PDE1A: variants seen among roughly 807,000 people sequenced by gnomAD.
PDE1A encodes the protein dual specificity calcium/calmodulin-dependent 3',5'-cyclic nucleotide phosphodiesterase 1A.
A neutral mutation model predicts 61.7 loss-of-function variants in PDE1A; 35 were observed. That is an observed-to-expected ratio of 0.57 (90% CI 0.43 to 0.75). The LOEUF is 0.75. Ranked by LOEUF, PDE1A falls within the 30% of genes least tolerant of loss-of-function variation. The pLI is 0.00. For missense variants in PDE1A, 597 were observed against 630.6 expected, an observed-to-expected ratio of 0.95 and a Z score of 0.57; for synonymous variants, 232 against 213.2, an observed-to-expected ratio of 1.09 and a Z score of -0.77.
intron 1 of PDE1A, among the ~76,000 whole-genome samples, chr2:182,285,313 A>T (rs978390802): frequency 6.6e-6 from 1 of 151,998 alleles, no homozygotes; most frequent in Non-Finnish European, 1.5e-5. Flanking sequence ...TCAAGCAATA[A>T]AGTTGGTTTT....
At chr2:182,378,608 T>G (rs1574493383) in intron 1 of PDE1A, among the ~76,000 whole-genome samples, 1 of 152,206 alleles carries the variant, frequency 6.6e-6, no homozygotes, top group African/African-American at 2.4e-5. Flanking sequence ...AAATAATTAT[T>G]GAAGGAACTC....
intron 1 of PDE1A, among the ~76,000 whole-genome samples, chr2:182,340,181 C>T (rs1698096736): frequency 6.6e-6 from 1 of 152,122 alleles, no homozygotes; most frequent in Non-Finnish European, 1.5e-5. Flanking sequence ...CAAATGGCTG[C>T]TTTTAAGGTC....
intron 1 of PDE1A, among the ~76,000 whole-genome samples, chr2:182,285,745 G>A (rs554369011): frequency 6.6e-6 from 1 of 152,152 alleles, no homozygotes; most frequent in East Asian, 1.9e-4. Flanking sequence ...AGTAGTAGGT[G>A]GCTGAGGACA....
intron 10 of PDE1A, among the ~76,000 whole-genome samples, chr2:182,199,537 A>C (rs1686429152): frequency 6.6e-6 from 1 of 152,016 alleles, no homozygotes; most frequent in Admixed American, 6.6e-5. Flanking sequence ...GATATTTAAA[A>C]ATTTCTTCTT....
chr2:182,563,093 G>A, the PDE1A span, among the ~76,000 whole-genome samples: 2 of 152,180 alleles, frequency 1.3e-5, no homozygotes, highest in South Asian at 2.1e-4. Flanking sequence ...CTTGCCTTCT[G>A]CTAACTTTTG....
chr2:182,330,281 T>C (rs1399583276), intron 1 of PDE1A, among the ~76,000 whole-genome samples: 2 of 151,526 alleles, frequency 1.3e-5, no homozygotes, highest in Non-Finnish European at 2.9e-5. Flanking sequence ...GAGGTGGAGG[T>C]TGCAGTGAGC....
chr2:182,289,075 G>A (rs780826463), intron 1 of PDE1A, among the ~76,000 whole-genome samples: 14 of 148,768 alleles, frequency 9.4e-5, no homozygotes, highest in Non-Finnish European at 2.0e-4. Context: ...ATTCTTTAGA[G>A]TTCCCTGGAC....
At chr2:182,272,774 G>A (rs1693126252) in intron 1 of PDE1A, among the ~76,000 whole-genome samples, 1 of 152,026 alleles carries the variant, frequency 6.6e-6, no homozygotes, top group Non-Finnish European at 1.5e-5. Context: ...GACAGATCAA[G>A]CATTTACAAA....
At chr2:182,606,317 T>C in the PDE1A span, among the ~76,000 whole-genome samples, 261 of 152,314 alleles carry the variant, frequency 1.7e-3, 2 homozygotes, top group South Asian at 0.017. Context: ...TAGCCAGGAT[T>C]ACAGGCACAT....
chr2:182,689,314 T>C, the PDE1A span, among the ~76,000 whole-genome samples: 1 of 151,958 alleles, frequency 6.6e-6, no homozygotes, highest in African/African-American at 2.4e-5. Flanking sequence ...AGAACAGAAA[T>C]TATAACAAAC....
At chr2:182,379,988 C>G (rs573916194) in intron 1 of PDE1A, among the ~76,000 whole-genome samples, 1 of 152,014 alleles carries the variant, frequency 6.6e-6, no homozygotes, top group African/African-American at 2.4e-5. Context: ...TTTGTTTTCT[C>G]TACCCTTTCT....
chr2:182,672,469 A>G, the PDE1A span, among the ~76,000 whole-genome samples: 2 of 152,368 alleles, frequency 1.3e-5, no homozygotes, highest in African/African-American at 2.4e-5. Context: ...GGTTACTGAC[A>G]TAAAAGAGAG....
intron 2 of PDE1A, among the ~76,000 whole-genome samples, chr2:182,467,199 A>G (rs1686731057): frequency 6.6e-6 from 1 of 151,792 alleles, no homozygotes; most frequent in African/African-American, 2.4e-5. Context: ...AAAATTACCA[A>G]TATCAGGAAT....
At chr2:182,163,614 G>A (rs541891897), downstream of PDE1A, among the ~76,000 whole-genome samples, 1 of 152,138 alleles carries the variant, frequency 6.6e-6, no homozygotes, top group South Asian at 2.1e-4. Flanking sequence ...GGCCTGTGGA[G>A]ATAACCCTTC....
chr2:182,225,228 G>A (rs574084598), intron 6 of PDE1A, among the ~76,000 whole-genome samples: 1 of 152,030 alleles, frequency 6.6e-6, no homozygotes, highest in Admixed American at 6.6e-5. Flanking sequence ...AAATAGAATT[G>A]TCAATAGTAC....
At chr2:182,705,192 A>G in the PDE1A span, among the ~76,000 whole-genome samples, 1 of 152,180 alleles carries the variant, frequency 6.6e-6, no homozygotes, top group East Asian at 1.9e-4. Context: ...ATTCTATATG[A>G]TGTGGAGTTT....
intron 2 of PDE1A, among the ~76,000 whole-genome samples, chr2:182,455,421 GAT>G (rs1685841888): frequency 6.8e-6 from 1 of 147,828 alleles, no homozygotes; most frequent in African/African-American, 2.4e-5. Flanking sequence ...ATATCCAAAG[GAT>G]TATAAATCAT....
intron 2 of PDE1A, among the ~76,000 whole-genome samples, chr2:182,259,550 C>T (rs772202818): frequency 6.6e-5 from 10 of 152,162 alleles, no homozygotes; most frequent in African/African-American, 2.4e-4. Flanking sequence ...ACGAAGTGAA[C>T]ATTGTCCTTA....
At chr2:182,650,115 C>T in the PDE1A span, among the ~76,000 whole-genome samples, 436 of 152,076 alleles carry the variant, frequency 2.9e-3, 3 homozygotes, top group African/African-American at 0.01. Flanking sequence ...ACATCTGCTG[C>T]CAGCAAAAAG....
Sources: allele counts gnomAD v4.1 joint callset (sites outside exome capture counted in the v4.1 genomes callset), GRCh38; gene constraint gnomAD v4.1.1; transcripts MANE v1.5; gene names NCBI Gene and HGNC (gene_info 2026-07-23, HGNC 2026-07-21).